SMC5: variants seen among roughly 807,000 people sequenced by gnomAD.
SMC5 encodes structural maintenance of chromosomes protein 5.
A neutral mutation model predicts 148.3 loss-of-function variants in SMC5; 88 were observed. The observed-to-expected ratio is 0.59, with a 90% CI of 0.50 to 0.71. The LOEUF is 0.71. SMC5 is among the 30% of genes least tolerant of loss of function. SMC5 has a pLI of 0.00. For synonymous variants in SMC5, 421 were observed against 432.8 expected (o/e 0.97, Z 0.34); for missense variants, 1,142 against 1,298.9 (o/e 0.88, Z 1.86).
chr9:70,282,544 A>C lies in SMC5; in HGVS notation c.942A>C (p.Glu314Asp). The C allele has an allele frequency of 6.3e-7, 1 of 1,591,136 alleles. No homozygotes were observed. Among genetic ancestry groups the C allele is most frequent in the Non-Finnish European group, 8.5e-7 (1 of 1,172,202 alleles). Residue 314 changes from glutamate to aspartate, a missense_variant, in exon 7 of 25, where the codon GAA becomes GAC. Transcript: ENST00000361138. ...IPVTCRIEEM[E>D]NERHNLEARI... ...TAACATGTCGAATTGAAGAAATGGA[A>C]AACGAGCGTCACAATTTGGAGGCTC...
chr9:70,278,055 CT>C (rs1564026278), intron 4 of SMC5, among the ~76,000 whole-genome samples: 1 of 151,960 alleles, frequency 6.6e-6, no homozygotes, highest in African/African-American at 2.4e-5. Flanking sequence ...TTAAATAAAA[CT>C]TAAACATTTT....
Position 70,277,312 on chromosome 9 carries a change from T to C in SMC5, c.383T>C (p.Phe128Ser), listed in dbSNP as rs1397659303. ...CSRGMVEIEL[F>S]RASGNLVITR... ...TTCTTAAATTATTTTTTAATTAGGTTCAGGGCTTCTGGAAATCTTGTAATC... is the reference window on the plus strand; with the variant it reads ...TTCTTAAATTATTTTTTAATTAGGTCCAGGGCTTCTGGAAATCTTGTAATC... The change falls in exon 4 of 25, where the codon TTC (phenylalanine) becomes TCC (serine). Residue 128 changes from phenylalanine to serine, a missense_variant and splice_region_variant. Physicochemically the swap from Phe to Ser is radical, Grantham distance 155. This residue lies in a region of SMC5 where 297 missense variants were observed against 302.6 expected (regional missense o/e 0.98). Transcript: ENST00000361138. The C allele has an allele frequency of 6.4e-7, 1 of 1,555,436 alleles. No homozygotes were observed. Among genetic ancestry groups the C allele is most frequent in the Non-Finnish European group, 8.7e-7 (1 of 1,155,002 alleles).
intron 15 of SMC5, among the ~76,000 whole-genome samples, chr9:70,320,722 TTCC>T (rs1587689631): frequency 6.6e-6 from 1 of 152,162 alleles, no homozygotes; most frequent in Admixed American, 6.5e-5. Context: ...TATTATGTAC[TTCC>T]TATGTCATGA....
intron 8 of SMC5, among the ~76,000 whole-genome samples, chr9:70,286,526 A>G (rs2118240207): frequency 6.6e-6 from 1 of 152,248 alleles, no homozygotes; most frequent in African/African-American, 2.4e-5. Context: ...TAATAGGATA[A>G]TGGTGGATTT....
chr9:70,348,904 G>A (rs915981200), intron 22 of SMC5, among the ~76,000 whole-genome samples: 3 of 152,024 alleles, frequency 2.0e-5, no homozygotes, highest in African/African-American at 7.2e-5. Context: ...AGACCAGCCC[G>A]GGCAACAGAG....
At chr9:70,315,619 A>C (rs758608006) in intron 13 of SMC5, 41 bp downstream of exon 13, 8 of 1,428,228 alleles carry the variant, frequency 5.6e-6, no homozygotes, top group Non-Finnish European at 7.4e-6. Flanking sequence ...ATGTACCAAA[A>C]ATGTAGTTTT....
intron 8 of SMC5, among the ~76,000 whole-genome samples, chr9:70,291,555 G>A (rs1169957796): frequency 6.6e-6 from 1 of 152,132 alleles, no homozygotes; most frequent in African/African-American, 2.4e-5. Context: ...AACCTCATAT[G>A]GTTTGGGGAG....
At chr9:70,345,875 T>C (rs2150000) in intron 18 of SMC5, among the ~76,000 whole-genome samples, 150,288 of 152,224 alleles carry the variant, frequency 0.99, 74,213 homozygotes, top group East Asian at 1. Flanking sequence ...TTGGACCACG[T>C]AAGAGATACA....
intron 18 of SMC5, 144 bp downstream of exon 18, chr9:70,344,413 T>C (rs1467455751): frequency 9.9e-6 from 3 of 303,914 alleles, no homozygotes; most frequent in East Asian, 1.3e-4. Flanking sequence ...ACTGAATATA[T>C]ATATATATAT....
intron 13 of SMC5, among the ~76,000 whole-genome samples, chr9:70,316,924 T>C (rs940451949): frequency 1.4e-4 from 21 of 152,068 alleles, no homozygotes; most frequent in Non-Finnish European, 2.8e-4. Flanking sequence ...TTCATTAATC[T>C]TAATCTCTTT....
At chr9:70,301,046 A>G (rs2035345360) in intron 10 of SMC5, among the ~76,000 whole-genome samples, 1 of 152,142 alleles carries the variant, frequency 6.6e-6, no homozygotes, top group Non-Finnish European at 1.5e-5. Context: ...AAATTAGCAA[A>G]GTTAATATTC....
At chr9:70,348,432 C>CT (rs1362431323) in intron 22 of SMC5, among the ~76,000 whole-genome samples, 1 of 151,872 alleles carries the variant, frequency 6.6e-6, no homozygotes, top group Non-Finnish European at 1.5e-5. Context: ...TGGCTCACGC[C>CT]TGTAATCTCA....
chr9:70,269,469 A>G (rs759949841), intron 3 of SMC5, among the ~76,000 whole-genome samples: 1 of 152,060 alleles, frequency 6.6e-6, no homozygotes, highest in African/African-American at 2.4e-5. Context: ...AGTCCTAGCT[A>G]CTTAGGAAAC....
intron 7 of SMC5, among the ~76,000 whole-genome samples, chr9:70,285,911 G>C (rs1228683357): frequency 6.6e-6 from 1 of 152,106 alleles, no homozygotes; most frequent in African/African-American, 2.4e-5. Context: ...AGTAATATTT[G>C]TCCTGATTAT....
At chr9:70,322,680 A>T (rs1278536193) in intron 15 of SMC5, among the ~76,000 whole-genome samples, 3 of 152,038 alleles carry the variant, frequency 2.0e-5, no homozygotes, top group Non-Finnish European at 4.4e-5. Context: ...TACTAAAAAT[A>T]CAAAAATTAT....
At chr9:70,311,588 T>C (rs2035658541) in intron 11 of SMC5, 1 of 152,038 alleles carries the variant, frequency 6.6e-6, no homozygotes, top group South Asian at 2.1e-4. Flanking sequence ...AAACCTTGAA[T>C]GTGTTTTAAA....
At chr9:70,284,032 C>A (rs141864416) in intron 7 of SMC5, among the ~76,000 whole-genome samples, 1 of 152,270 alleles carries the variant, frequency 6.6e-6, no homozygotes, top group East Asian at 1.9e-4. Flanking sequence ...AAAATGACTT[C>A]TTGAGCTAGA....
At chr9:70,275,827 G>T (rs1312852379) in intron 3 of SMC5, among the ~76,000 whole-genome samples, 1 of 152,016 alleles carries the variant, frequency 6.6e-6, no homozygotes, top group South Asian at 2.1e-4. Context: ...GTTTTGCAAA[G>T]TTCTTTTTTA....
chr9:70,345,123 A>G (rs1455324020), intron 18 of SMC5, among the ~76,000 whole-genome samples: 1 of 152,168 alleles, frequency 6.6e-6, no homozygotes, highest in Non-Finnish European at 1.5e-5. Context: ...AAAACAGTAG[A>G]ATGTCTTCAG....
Sources: allele counts gnomAD v4.1 joint callset (sites outside exome capture counted in the v4.1 genomes callset), GRCh38; gene constraint gnomAD v4.1.1; regional missense constraint gnomAD v4.1.1; transcripts MANE v1.5; gene names NCBI Gene and HGNC (gene_info 2026-07-23, HGNC 2026-07-21).